ATP8A1: variants seen among roughly 807,000 people sequenced by gnomAD.
ATP8A1 encodes the protein phospholipid-transporting ATPase IA.
Under a neutral mutation model 177.7 loss-of-function variants are expected in ATP8A1, and 90 were observed. That is an observed-to-expected ratio of 0.51 (90% confidence interval 0.43 to 0.60). The LOEUF is 0.60. Among genes scored for constraint, ATP8A1 ranks in the 20% least tolerant of loss-of-function variants. The probability of loss-of-function intolerance (pLI) is 0.00; values close to 1 mark genes in which losing one functional copy is unlikely to be tolerated. For synonymous variants in ATP8A1, 493 were observed against 485.9 expected, an observed-to-expected ratio of 1.01 and a Z score of -0.19; for missense variants, 1,072 against 1,392.8, an observed-to-expected ratio of 0.77 and a Z score of 3.67.
chr4:42,589,858 T>C (rs1251103543), intron 7 of ATP8A1, among the ~76,000 whole-genome samples: 1 of 152,014 alleles, frequency 6.6e-6, no homozygotes, highest in African/African-American at 2.4e-5. Context: ...TCTACTTTTT[T>C]TTTTTGCATA....
intron 30 of ATP8A1, among the ~76,000 whole-genome samples, chr4:42,448,401 C>CTTTTTCTTTTTTT (rs1553875018): frequency 1.2e-4 from 12 of 99,570 alleles, no homozygotes; most frequent in African/African-American, 4.1e-4. Context: ...TCTTTCTTTT[C>CTTTTTCTTTTTTT]TTTTTTTTTT....
At chr4:42,636,791 A>G (rs1009224340) in intron 1 of ATP8A1, among the ~76,000 whole-genome samples, 1 of 152,160 alleles carries the variant, frequency 6.6e-6, no homozygotes, top group Non-Finnish European at 1.5e-5. Context: ...TCAAGGCTCC[A>G]TGCTCCTCAT....
intron 1 of ATP8A1, among the ~76,000 whole-genome samples, chr4:42,634,890 C>G (rs151211893): frequency 1.7e-3 from 265 of 152,274 alleles, no homozygotes; most frequent in Middle Eastern, 0.014. Context: ...GCTTCCTCAT[C>G]CATAAAATAT....
intron 19 of ATP8A1, among the ~76,000 whole-genome samples, chr4:42,546,421 G>A (rs1191850888): frequency 7.6e-6 from 1 of 131,598 alleles, no homozygotes; most frequent in Non-Finnish European, 1.6e-5. Context: ...TCACACACCG[G>A]GGACTGTTGT....
At chr4:42,620,911 T>C (rs954184394) in intron 4 of ATP8A1, among the ~76,000 whole-genome samples, 2 of 152,176 alleles carry the variant, frequency 1.3e-5, no homozygotes, top group African/African-American at 4.8e-5. Context: ...ACCTTTAAAA[T>C]TGGGTTAACA....
chr4:42,506,435 T>C (rs1724372289), intron 23 of ATP8A1, among the ~76,000 whole-genome samples: 1 of 152,182 alleles, frequency 6.6e-6, no homozygotes, highest in African/African-American at 2.4e-5. Flanking sequence ...CGATGAGATA[T>C]AAATTTGTTG....
At chr4:42,574,216 GA>G (rs1409432808) in intron 14 of ATP8A1, among the ~76,000 whole-genome samples, 4 of 150,312 alleles carry the variant, frequency 2.7e-5, no homozygotes, top group Admixed American at 2.6e-4. Flanking sequence ...GATGATAGAA[GA>G]AAAAAAAAGT....
chr4:42,490,169 C>G (rs1185374035), intron 24 of ATP8A1, among the ~76,000 whole-genome samples: 4 of 152,168 alleles, frequency 2.6e-5, no homozygotes, highest in African/African-American at 9.7e-5. Context: ...CCATTCTGCT[C>G]TGCTCTTCCC....
intron 1 of ATP8A1, among the ~76,000 whole-genome samples, chr4:42,635,782 C>CACATATATAT (rs1553920597): frequency 3.3e-4 from 17 of 51,990 alleles, no homozygotes; most frequent in African/African-American, 5.5e-4. Context: ...CACACACACA[C>CACATATATAT]ATATATATAT....
At chr4:42,463,304 T>C (rs985311911) in intron 27 of ATP8A1, among the ~76,000 whole-genome samples, 3 of 152,214 alleles carry the variant, frequency 2.0e-5, no homozygotes, top group African/African-American at 7.2e-5. Flanking sequence ...GGGGCAAGTC[T>C]TTCCTGTGAT....
chr4:42,444,401 C>T (rs1412345546), intron 32 of ATP8A1, among the ~76,000 whole-genome samples, 177 bp downstream of exon 32: 1 of 152,108 alleles, frequency 6.6e-6, no homozygotes, highest in African/African-American at 2.4e-5. Flanking sequence ...CTCAGTATTT[C>T]CCAACTAAAA....
chr4:42,637,664 C>T (rs1462555901), intron 1 of ATP8A1, among the ~76,000 whole-genome samples: 1 of 152,176 alleles, frequency 6.6e-6, no homozygotes, highest in Non-Finnish European at 1.5e-5. Flanking sequence ...CTGATAAAGT[C>T]CAACCCATAT....
At chr4:42,587,763 T>G (rs989021185) in intron 8 of ATP8A1, among the ~76,000 whole-genome samples, 1 of 151,876 alleles carries the variant, frequency 6.6e-6, no homozygotes, top group Non-Finnish European at 1.5e-5. Flanking sequence ...CCCGCCACCA[T>G]GCCCGGCTAA....
intron 20 of ATP8A1, among the ~76,000 whole-genome samples, chr4:42,536,286 A>C (rs1727819848): frequency 2.0e-5 from 3 of 152,236 alleles, no homozygotes; most frequent in Admixed American, 1.3e-4. Context: ...AATGTAACCA[A>C]TACGACCAAA....
intron 18 of ATP8A1, among the ~76,000 whole-genome samples, chr4:42,549,921 CTAAA>C (rs1022538295): frequency 1.3e-4 from 20 of 152,268 alleles, no homozygotes; most frequent in African/African-American, 4.3e-4. Context: ...TACACAGAAA[CTAAA>C]TAATAATTTT....
intron 16 of ATP8A1, among the ~76,000 whole-genome samples, chr4:42,555,216 C>CCCCG (rs201887337): frequency 3.2e-5 from 4 of 126,750 alleles, no homozygotes; most frequent in Non-Finnish European, 5.4e-5. Flanking sequence ...TTCTGCCCCC[C>CCCCG]CCTAGAGAAC....
chr4:42,447,095 C>A (rs1717357374), intron 30 of ATP8A1, among the ~76,000 whole-genome samples: 1 of 152,172 alleles, frequency 6.6e-6, no homozygotes. Flanking sequence ...TGGTTTCAGG[C>A]ATGTGGTTCT....
At chr4:42,495,406 C>A (rs866515259) in intron 24 of ATP8A1, among the ~76,000 whole-genome samples, 17 of 152,130 alleles carry the variant, frequency 1.1e-4, no homozygotes, top group African/African-American at 3.9e-4. Flanking sequence ...TATACTCCTA[C>A]GCAACACATA....
intron 5 of ATP8A1, among the ~76,000 whole-genome samples, chr4:42,613,834 T>C (rs939799455): frequency 1.3e-5 from 2 of 152,064 alleles, no homozygotes; most frequent in Non-Finnish European, 2.9e-5. Flanking sequence ...TCCATCCGCC[T>C]CAGCCTCCCA....
Sources: gnomAD v4.1 joint callset for allele counts (sites outside exome capture counted in the v4.1 genomes callset) on GRCh38, gnomAD v4.1.1 for gene constraint, MANE v1.5 for transcripts, NCBI Gene and HGNC (gene_info 2026-07-23, HGNC 2026-07-21) for gene names.